The following AFG2A variants were observed in gnomAD, a reference collection of about 807,000 sequenced individuals.
AFG2A encodes ATPase family gene 2 protein homolog A.
the AFG2A span, among the ~76,000 whole-genome samples, chr4:123,305,438 C>T: frequency 6.6e-6 from 1 of 152,116 alleles, no homozygotes; most frequent in Non-Finnish European, 1.5e-5. Context: ...TGTTTACAGC[C>T]AATAGCGAGG....
chr4:122,979,746 T>C, the AFG2A span, among the ~76,000 whole-genome samples: 1 of 152,056 alleles, frequency 6.6e-6, no homozygotes, highest in African/African-American at 2.4e-5. Flanking sequence ...CTACAAAAAG[T>C]ACAAATTAGT....
the AFG2A span, among the ~76,000 whole-genome samples, chr4:123,287,837 C>T: frequency 1.3e-5 from 2 of 152,074 alleles, no homozygotes; most frequent in African/African-American, 4.8e-5. Flanking sequence ...ATAGGGTGGC[C>T]ATGGAAAACC....
At chr4:122,986,589 TGGC>T in the AFG2A span, among the ~76,000 whole-genome samples, 1,413 of 152,096 alleles carry the variant, frequency 9.3e-3, 6 homozygotes, top group Non-Finnish European at 0.013. Flanking sequence ...TTCAGGGACT[TGGC>T]GGGAAGAATG....
At chr4:123,283,602 A>T in the AFG2A span, among the ~76,000 whole-genome samples, 1 of 152,332 alleles carries the variant, frequency 6.6e-6, no homozygotes, top group South Asian at 2.1e-4. Context: ...TGAGGATTAA[A>T]TATGGCCCAC....
chr4:122,947,620 T>C, the AFG2A span: 1 of 1,191,784 alleles, frequency 8.4e-7, no homozygotes, highest in Non-Finnish European at 1.1e-6. Context: ...GTGTAATTTT[T>C]ATTTGAAAAA....
At chr4:123,040,712 T>A in the AFG2A span, among the ~76,000 whole-genome samples, 1 of 152,218 alleles carries the variant, frequency 6.6e-6, no homozygotes, top group Non-Finnish European at 1.5e-5. Context: ...ACATTTTGCC[T>A]CAGCATAATT....
chr4:122,946,109 A>AACACCAAAGT, the AFG2A span, among the ~76,000 whole-genome samples: 1 of 152,250 alleles, frequency 6.6e-6, no homozygotes, highest in Non-Finnish European at 1.5e-5. Context: ...AGAATCATGT[A>AACACCAAAGT]TAAAATAGTG....
At chr4:123,175,536 G>A in the AFG2A span, among the ~76,000 whole-genome samples, 92 of 152,294 alleles carry the variant, frequency 6.0e-4, no homozygotes, top group African/African-American at 2.1e-3. Flanking sequence ...TTCATGCACT[G>A]CTGGTTGAAA....
At chr4:123,145,923 G>A in the AFG2A span, among the ~76,000 whole-genome samples, 78 of 152,104 alleles carry the variant, frequency 5.1e-4, 1 homozygote, top group African/African-American at 1.8e-3. Flanking sequence ...TGGAGGTTGT[G>A]TATACTCTGA....
the AFG2A span, among the ~76,000 whole-genome samples, chr4:123,124,790 G>A: frequency 1.3e-4 from 20 of 152,040 alleles, no homozygotes; most frequent in Non-Finnish European, 2.5e-4. Context: ...AGTTAACTTG[G>A]GTCAGAGGCA....
chr4:122,930,524 A>G, the AFG2A span, among the ~76,000 whole-genome samples: 1 of 152,210 alleles, frequency 6.6e-6, no homozygotes, highest in Non-Finnish European at 1.5e-5. Context: ...TTATAGTAAC[A>G]GTTTAATGAA....
the AFG2A span, among the ~76,000 whole-genome samples, chr4:122,986,606 G>T: frequency 1.3e-5 from 2 of 152,062 alleles, no homozygotes; most frequent in African/African-American, 4.8e-5. Flanking sequence ...AAGAATGGGA[G>T]GGGGGTGAGG....
At chr4:122,959,513 GTC>G in the AFG2A span, among the ~76,000 whole-genome samples, 1 of 152,178 alleles carries the variant, frequency 6.6e-6, no homozygotes, top group Non-Finnish European at 1.5e-5. Flanking sequence ...TATATGTTGT[GTC>G]TCTGATGATT....
At chr4:123,192,258 C>T in the AFG2A span, among the ~76,000 whole-genome samples, 1 of 152,132 alleles carries the variant, frequency 6.6e-6, no homozygotes. Context: ...AACTCCTGAG[C>T]TTAAGCAATC....
the AFG2A span, among the ~76,000 whole-genome samples, chr4:123,301,991 CAG>C: frequency 7.9e-5 from 12 of 152,130 alleles, no homozygotes; most frequent in African/African-American, 2.9e-4. Flanking sequence ...GGTGAAACTA[CAG>C]AGTTTCACAG....
chr4:123,229,850 G>A, the AFG2A span, among the ~76,000 whole-genome samples: 4 of 151,830 alleles, frequency 2.6e-5, no homozygotes, highest in African/African-American at 9.6e-5. Context: ...CTAGATTTTG[G>A]GAATCATTTA....
the AFG2A span, among the ~76,000 whole-genome samples, chr4:123,218,983 T>C: frequency 4.6e-5 from 7 of 152,202 alleles, no homozygotes; most frequent in Admixed American, 1.3e-4. Context: ...CCATTTATTA[T>C]CTAGATCTAT....
the AFG2A span, among the ~76,000 whole-genome samples, chr4:123,282,726 A>C: frequency 6.6e-6 from 1 of 152,030 alleles, no homozygotes; most frequent in African/African-American, 2.4e-5. Context: ...TCCCCAAAGA[A>C]ATAGTTCACT....
chr4:123,043,428 T>G, the AFG2A span, among the ~76,000 whole-genome samples: 1 of 152,142 alleles, frequency 6.6e-6, no homozygotes, highest in South Asian at 2.1e-4. Flanking sequence ...TCTTCCACTT[T>G]TTTTTCCTGA....
Sources: allele counts gnomAD v4.1 joint callset (sites outside exome capture counted in the v4.1 genomes callset), GRCh38; gene constraint gnomAD v4.1.1; transcripts MANE v1.5; gene names NCBI Gene and HGNC (gene_info 2026-07-23, HGNC 2026-07-21).